Variants in MAD1L1 observed in about 807,000 individuals in gnomAD.
MAD1L1 encodes mitotic spindle assembly checkpoint protein MAD1.
In MAD1L1, 95 loss-of-function variants were observed where a neutral mutation model predicts 96.9. The ratio of observed to expected loss-of-function variants is 0.98; its 90% confidence interval spans 0.83 to 1.16. The LOEUF is 1.16. Among genes scored for constraint, MAD1L1 ranks in the 50% most tolerant of loss-of-function variants. The probability of loss-of-function intolerance (pLI) is 0.00; values close to 1 mark genes in which losing one functional copy is unlikely to be tolerated. For missense variants in MAD1L1, 1,007 were observed against 954.4 expected (o/e 1.06, Z -0.73); for synonymous variants, 473 against 396.6 (o/e 1.19, Z -2.29).
intron 12 of MAD1L1, among the ~76,000 whole-genome samples, chr7:2,060,547 A>G (rs1198633328): frequency 6.6e-6 from 1 of 152,178 alleles, no homozygotes; most frequent in African/African-American, 2.4e-5. Context: ...AGATAAGCTA[A>G]TGCTGTGCTT....
At chr7:1,834,120 C>G (rs10268797) in intron 18 of MAD1L1, among the ~76,000 whole-genome samples, 126,630 of 152,192 alleles carry the variant, frequency 0.83, 53,148 homozygotes, top group African/African-American at 0.94. Flanking sequence ...TTAGTTAAGT[C>G]ATTTGAACTG....
intron 10 of MAD1L1, among the ~76,000 whole-genome samples, chr7:2,204,415 C>G (rs2114963862): frequency 6.6e-6 from 1 of 152,342 alleles, no homozygotes; most frequent in East Asian, 1.9e-4. Context: ...GTGCGGCGAT[C>G]ACATCCATTA....
chr7:1,994,424 G>A (rs1369902116), intron 14 of MAD1L1, among the ~76,000 whole-genome samples: 1 of 152,194 alleles, frequency 6.6e-6, no homozygotes, highest in Non-Finnish European at 1.5e-5. Flanking sequence ...AAGGGCGTGA[G>A]AAGATGTGCT....
intron 7 of MAD1L1, among the ~76,000 whole-genome samples, chr7:2,217,565 G>A (rs1859991): frequency 0.16 from 23,888 of 152,250 alleles, 2,303 homozygotes; most frequent in Middle Eastern, 0.26. Context: ...TCCCTGGCAC[G>A]TCCTCCGCAG....
chr7:1,894,903 G>C (rs1336987612), intron 18 of MAD1L1, among the ~76,000 whole-genome samples: 1 of 152,080 alleles, frequency 6.6e-6, no homozygotes, highest in Admixed American at 6.5e-5. Flanking sequence ...TAAGAACCAG[G>C]CACCCAGCAG....
chr7:2,202,330 G>A (rs550590802), intron 10 of MAD1L1, among the ~76,000 whole-genome samples: 12 of 152,340 alleles, frequency 7.9e-5, no homozygotes, highest in African/African-American at 2.2e-4. Context: ...GGCAGGCACC[G>A]TGCTCGGACG....
intron 11 of MAD1L1, among the ~76,000 whole-genome samples, chr7:2,145,763 A>G (rs931023100): frequency 6.6e-6 from 1 of 152,206 alleles, no homozygotes; most frequent in Non-Finnish European, 1.5e-5. Context: ...GGAGAGCTCC[A>G]GGATCCTCCC....
intron 11 of MAD1L1, among the ~76,000 whole-genome samples, chr7:2,102,074 A>G (rs1786807075): frequency 6.6e-6 from 1 of 152,044 alleles, no homozygotes; most frequent in South Asian, 2.1e-4. Flanking sequence ...AGCACAGGAT[A>G]AGGTGAAAAC....
intron 11 of MAD1L1, among the ~76,000 whole-genome samples, chr7:2,087,683 G>C (rs1321594527): frequency 6.6e-6 from 1 of 152,170 alleles, no homozygotes; most frequent in African/African-American, 2.4e-5. Flanking sequence ...TGCCTGTGCC[G>C]ATCGCAAAGG....
chr7:2,063,690 G>A (rs181536790), intron 12 of MAD1L1, among the ~76,000 whole-genome samples: 5 of 152,270 alleles, frequency 3.3e-5, no homozygotes, highest in East Asian at 1.9e-4. Flanking sequence ...TTTCTAAATC[G>A]CTGCGCAGCC....
At chr7:1,849,192 C>G (rs1393740148) in intron 18 of MAD1L1, 1 of 151,782 alleles carries the variant, frequency 6.6e-6, no homozygotes, top group Admixed American at 6.6e-5. Flanking sequence ...GGAGCTGATG[C>G]TGTGCGAGGC....
intron 14 of MAD1L1, among the ~76,000 whole-genome samples, chr7:1,994,108 C>G (rs1415940462): frequency 6.6e-6 from 1 of 152,236 alleles, no homozygotes; most frequent in Non-Finnish European, 1.5e-5. Context: ...TCTGGGGCCA[C>G]AACCAGCTTG....
intron 2 of MAD1L1, 129 bp from the exon 3 acceptor site, chr7:2,230,272 G>T: frequency 1.6e-6 from 1 of 620,918 alleles, no homozygotes; most frequent in Non-Finnish European, 2.7e-6. Context: ...ACCCATGCCT[G>T]TAACCACATT....
intron 17 of MAD1L1, among the ~76,000 whole-genome samples, chr7:1,901,876 C>T (rs564910413): frequency 4.6e-5 from 7 of 152,330 alleles, no homozygotes; most frequent in Admixed American, 3.3e-4. Flanking sequence ...GATACCGGCC[C>T]TCCTCGGGCC....
intron 1 of MAD1L1, among the ~76,000 whole-genome samples, chr7:2,231,202 G>A (rs555351701): frequency 6.6e-6 from 1 of 151,914 alleles, no homozygotes; most frequent in South Asian, 2.1e-4. Context: ...GGAGGCTGTG[G>A]CACAAGAATC....
At chr7:2,069,796 G>A (rs1785041825) in intron 11 of MAD1L1, among the ~76,000 whole-genome samples, 1 of 152,254 alleles carries the variant, frequency 6.6e-6, no homozygotes, top group Non-Finnish European at 1.5e-5. Context: ...GGGAACCCGA[G>A]AGGCCTCCTG....
intron 11 of MAD1L1, among the ~76,000 whole-genome samples, chr7:2,129,851 G>A (rs372923602): frequency 3.6e-4 from 55 of 152,292 alleles, no homozygotes; most frequent in African/African-American, 9.4e-4. Flanking sequence ...CACCACCGTC[G>A]GAGGGGCACA....
At chr7:2,160,191 C>T (rs900704699) in intron 10 of MAD1L1, among the ~76,000 whole-genome samples, 10 of 150,266 alleles carry the variant, frequency 6.7e-5, no homozygotes, top group Admixed American at 5.3e-4. Context: ...TGATCGCGCA[C>T]GGCACTCCAG....
chr7:1,893,128 A>G (rs1166724737), intron 18 of MAD1L1, among the ~76,000 whole-genome samples: 1 of 152,060 alleles, frequency 6.6e-6, no homozygotes, highest in East Asian at 1.9e-4. Context: ...CTCAGGAGGG[A>G]GAGGAGCAGA....
Sources: allele counts gnomAD v4.1 joint callset (sites outside exome capture counted in the v4.1 genomes callset), GRCh38; gene constraint gnomAD v4.1.1; transcripts MANE v1.5; gene names NCBI Gene and HGNC (gene_info 2026-07-23, HGNC 2026-07-21).